Variants in ZNF839 observed in about 807,000 individuals in gnomAD.
ZNF839 encodes the protein renal carcinoma antigen NY-REN-50.
A neutral mutation model predicts 56.4 loss-of-function variants in ZNF839; 38 were observed. The ratio of observed to expected loss-of-function variants is 0.67; its 90% CI spans 0.52 to 0.88. The LOEUF (loss-of-function observed/expected upper bound fraction) is 0.88. Among genes scored for constraint, ZNF839 ranks in the 40% least tolerant of loss-of-function variants. The probability of loss-of-function intolerance (pLI) is 0.00; values close to 1 mark genes in which losing one functional copy is unlikely to be tolerated. For synonymous variants in ZNF839, 486 were observed against 493.5 expected (o/e 0.98, Z 0.20); for missense variants, 1,091 against 1,177.6 (o/e 0.93, Z 1.08).
chr14:102,320,466 A>G (rs898906699), intron 1 of ZNF839, among the ~76,000 whole-genome samples: 5 of 152,232 alleles, frequency 3.3e-5, no homozygotes, highest in Non-Finnish European at 5.9e-5. Flanking sequence ...AAGAACGAAC[A>G]TAAGGCAGGT....
intron 1 of ZNF839, 66 bp from the exon 2 acceptor site, chr14:102,325,919 C>T (rs1219903719): frequency 2.0e-6 from 3 of 1,512,822 alleles, no homozygotes; most frequent in African/African-American, 2.8e-5. Context: ...TATGACGAGA[C>T]TGAAATTGCA....
At chr14:102,319,616 G>A (rs1463865498), upstream of ZNF839, 1 of 1,123,968 alleles carries the variant, frequency 8.9e-7, no homozygotes, top group Non-Finnish European at 1.1e-6. This position sits in a 1 kb window ranked among gnomAD's most constrained non-coding sequence, Gnocchi z 4.5. Context: ...CGGCTGGGGC[G>A]GGGCACTCCA....
At chr14:102,339,294 C>G in intron 7 of ZNF839, 71 bp downstream of exon 7, 1 of 1,534,574 alleles carries the variant, frequency 6.5e-7, no homozygotes, top group East Asian at 2.4e-5. Context: ...CAGATGTACC[C>G]AGGATTGCCA....
chr14:102,320,497 C>G (rs1365890051), intron 1 of ZNF839, among the ~76,000 whole-genome samples: 1 of 152,162 alleles, frequency 6.6e-6, no homozygotes, highest in Non-Finnish European at 1.5e-5. Context: ...ACGGGGGCTG[C>G]TTTAGAGTGG....
At position 102,341,889 on chromosome 14, in the gene ZNF839, T is replaced by C; in HGVS notation, c.2494T>C (p.Leu832=). The change falls in exon 8 of 8, where the codon TTG becomes CTG. Residue 832 remains leucine (L), a synonymous_variant. Coordinates refer to ENST00000442396, the MANE Select transcript of ZNF839 (RefSeq NM_018335.6). The part of the protein sequence containing the change: ...GPQPGPHGSL[L]TEGCLRSLSG... Reference sequence around the variant, plus strand: ...TCAGCCTGGCCCACATGGATCACTATTGACTGAAGGGTGTCTCAGAAGCCT... The same window carrying C: ...TCAGCCTGGCCCACATGGATCACTACTGACTGAAGGGTGTCTCAGAAGCCT... 1.9e-6 allele frequency: 3 copies of C among 1,614,044 alleles called. No individual in the cohort carries two copies. Among genetic ancestry groups the C allele is most frequent in the East Asian group, 4.5e-5 (2 of 44,884 alleles).
rs770446620 is a variant in ZNF839, at chr14:102,341,644, T to G, written c.2249T>G (p.Leu750Trp). The part of the protein sequence containing the change: ...SLRSPGFCSP[L>W]SSGGGAESLP... ...AGGAGCCCGGGTTTCTGCAGCCCTT[T>G]GTCATCTGGTGGTGGAGCAGAGTCC... Residue 750 changes from leucine to tryptophan, a missense_variant, in exon 8 of 8, where the codon TTG becomes TGG. Coordinates refer to ENST00000442396, the MANE Select transcript of ZNF839 (RefSeq NM_018335.6). 1 of 1,613,850 alleles carries G rather than the reference T, an allele frequency of 6.2e-7. No individual in the cohort carries two copies. Among genetic ancestry groups the G allele is most frequent in the Non-Finnish European group, 8.5e-7 (1 of 1,179,890 alleles).
chr14:102,332,426 C>A lies in ZNF839; in HGVS notation c.1416+580C>A, dbSNP rs899338654. 6.6e-6 allele frequency among the ~76,000 whole-genome samples: 1 copy of A among 152,046 alleles called. No individual in the cohort carries two copies. The highest frequency in any genetic ancestry group is 6.6e-5 in the Admixed American group (1 of 15,264). On this transcript the variant is annotated intron_variant, in intron 3 of 7. Coordinates refer to ENST00000442396, the MANE Select transcript of ZNF839 (RefSeq NM_018335.6). The surrounding 1 kb of genome is among the most constrained non-coding windows in gnomAD (Gnocchi z 4.9). ...GGGATTACAGGCATGAGCCACCATGCCCGGCCTTCAGAACCATTCTTGACT... is the reference window on the plus strand; with the variant it reads ...GGGATTACAGGCATGAGCCACCATGACCGGCCTTCAGAACCATTCTTGACT...
At chr14:102,331,203 A>C (rs1017069000) in intron 2 of ZNF839, among the ~76,000 whole-genome samples, 3 of 152,258 alleles carry the variant, frequency 2.0e-5, no homozygotes, top group Non-Finnish European at 2.9e-5. Context: ...AATTAGGAAC[A>C]AAATTCAGGT....
At position 102,320,024 on chromosome 14, in the gene ZNF839, C is replaced by G. The variant is rs963643850; in HGVS notation, c.259C>G (p.Pro87Ala). 2 of 1,180,412 alleles carry G rather than the reference C, an allele frequency of 1.7e-6. No individual in the cohort carries two copies. Among genetic ancestry groups the G allele is most frequent in the Admixed American group, 4.6e-5 (1 of 21,944 alleles). The allele number at this position is 1,180,412 out of a possible 1,614,324, so 73.1% of individuals were successfully genotyped here. A position where few individuals can be genotyped will look rare whatever the true frequency, so the allele number is the denominator to read the frequency against. ...ALQRGRGTEP[P>A]RLPRLLPPQQ... ...GCAGCGGGGCCGGGGCACCGAGCCCCCGCGCCTGCCGCGCCTGCTCCCGCC... is the reference window on the plus strand; with the variant it reads ...GCAGCGGGGCCGGGGCACCGAGCCCGCGCGCCTGCCGCGCCTGCTCCCGCC... Residue 87 changes from proline to alanine, a missense_variant, in exon 1 of 8, where the codon CCG (proline) becomes GCG (alanine). Physicochemically the swap from Pro to Ala is conservative, Grantham distance 27. This residue lies in a region of ZNF839 where 614 missense variants were observed against 629.2 expected (regional missense o/e 0.98). Coordinates refer to ENST00000442396, the MANE Select transcript of ZNF839 (RefSeq NM_018335.6).
At chr14:102,341,093 C>G (rs1020254166) in intron 7 of ZNF839, 8 of 255,314 alleles carry the variant, frequency 3.1e-5, no homozygotes, top group Non-Finnish European at 5.0e-5. Context: ...AAAAAAAGCA[C>G]ACTGTCGATT....
chr14:102,319,806 A>T lies in ZNF839; in HGVS notation c.41A>T (p.Asp14Val). ...AEPEAGGGSE[D>V]GGGGGGPAPP... is the part of the protein sequence containing the mutation. ...CCGGAGGCTGGGGGCGGCAGCGAGG[A>T]TGGCGGCGGCGGCGGCGGCCCGGCT... Residue 14 changes from aspartate (D) to valine (V), a missense_variant, in exon 1 of 8, where the codon GAT (aspartate) becomes GTT (valine). Transcript: ENST00000442396. This position sits in a 1 kb window ranked among gnomAD's most constrained non-coding sequence, Gnocchi z 4.5. 9 of 1,229,616 alleles carry T rather than the reference A, an allele frequency of 7.3e-6. No individual in the cohort carries two copies. The highest frequency in any genetic ancestry group is 9.1e-6 in the Non-Finnish European group (9 of 986,922). The allele number at this position is 1,229,616 out of a possible 1,614,324, so 76.2% of individuals were successfully genotyped here.
intron 1 of ZNF839, among the ~76,000 whole-genome samples, chr14:102,323,899 T>C (rs2073264114): frequency 6.6e-6 from 1 of 152,188 alleles, no homozygotes; most frequent in Non-Finnish European, 1.5e-5. Flanking sequence ...CCCATGTTAA[T>C]GTGGATAAAA....
intron 3 of ZNF839, among the ~76,000 whole-genome samples, chr14:102,333,280 T>TGA (rs2073871299): frequency 7.3e-6 from 1 of 137,358 alleles, no homozygotes; most frequent in African/African-American, 3.0e-5. Flanking sequence ...TTTTTTTTTT[T>TGA]GAGAGAGGGT....
chr14:102,324,499 C>T (rs1454694331), intron 1 of ZNF839, among the ~76,000 whole-genome samples: 4 of 151,784 alleles, frequency 2.6e-5, no homozygotes, highest in East Asian at 3.9e-4. Flanking sequence ...GCTGAGATAG[C>T]GCCACTGCAT....
At position 102,334,572 on chromosome 14, in the gene ZNF839, C is replaced by T. The variant is rs201839345; in HGVS notation, c.1435C>T (p.Arg479Trp). The T allele has an allele frequency of 2.3e-4, 371 of 1,611,370 alleles. No homozygotes were observed. Among genetic ancestry groups the T allele is most frequent in the Non-Finnish European group, 3.0e-4 (348 of 1,178,854 alleles). ...RLKEFLQQCD[R>W]EDLVELALPQ... is the part of the protein sequence containing the mutation. Reference sequence around the variant, plus strand: ...TTGGTAGTTCCTCCAGCAGTGTGACCGGGAGGATCTGGTGGAATTGGCTCT... The same window carrying T: ...TTGGTAGTTCCTCCAGCAGTGTGACTGGGAGGATCTGGTGGAATTGGCTCT... The change falls in exon 4 of 8, where the codon CGG becomes TGG. Residue 479 changes from arginine to tryptophan, a missense_variant. Arg to Trp is a moderately radical substitution (Grantham distance 101). This residue lies in a region of ZNF839 where 614 missense variants were observed against 629.2 expected (regional missense o/e 0.98). Coordinates refer to ENST00000442396, the MANE Select transcript of ZNF839 (RefSeq NM_018335.6).
Position 102,339,097 on chromosome 14 carries a change from G to A in ZNF839, c.1801G>A (p.Ala601Thr), listed in dbSNP as rs1188378682. The A allele has an allele frequency of 6.2e-7, 1 of 1,613,786 alleles. No individual in the cohort carries two copies. Residue 601 changes from alanine to threonine, a missense_variant, in exon 7 of 8, where the codon GCG becomes ACG. By Grantham distance (58) the Ala-to-Thr change is moderately conservative (BLOSUM62 0). Transcript: ENST00000442396. ...TGATTGGGTCTTCTCTTCACAGGCT[G>A]CGGAGGAGGGACTGGCCTCAGTGAA... ...ASSEKREREA[A>T]EEGLASVKRP...
chr14:102,342,256 C>T lies in ZNF839; in HGVS notation c.*77C>T, dbSNP rs1427285069. On this transcript the variant is annotated 3_prime_UTR_variant, in exon 8 of 8. Coordinates refer to ENST00000442396, the MANE Select transcript of ZNF839 (RefSeq NM_018335.6). ...CCTCACAGTGAAGTGGAGTCAGATC[C>T]TAGATTCGTCTGATTTTATCCAGAG... The T allele has an allele frequency of 6.6e-7, 1 of 1,509,026 alleles. No homozygotes were observed. The highest frequency in any genetic ancestry group is 2.3e-5 in the East Asian group (1 of 44,040). 93.5% of individuals were successfully genotyped at this position (1,509,026 alleles called of 1,614,324 possible).
Position 102,332,984 on chromosome 14 carries a change from G to A in ZNF839, c.1416+1138G>A, listed in dbSNP as rs1188446934. Among the ~76,000 whole-genome samples, 1 of 152,178 alleles carries A rather than the reference G, an allele frequency of 6.6e-6. No individual in the cohort carries two copies. Among genetic ancestry groups the A allele is most frequent in the Non-Finnish European group, 1.5e-5 (1 of 68,036 alleles). ...AAGCAGAAAATTGTGGAGTTTCCCT[G>A]TCTGCTGTTATTAAGCTCATACAGA... On this transcript the variant is annotated intron_variant, in intron 3 of 7. Coordinates refer to ENST00000442396, the MANE Select transcript of ZNF839 (RefSeq NM_018335.6). This position sits in a 1 kb window ranked among gnomAD's most constrained non-coding sequence, Gnocchi z 4.9.
chr14:102,328,375 A>AAAAAAAAT (rs1197718891), intron 2 of ZNF839, among the ~76,000 whole-genome samples: 1 of 16,326 alleles, frequency 6.1e-5, no homozygotes, highest in Non-Finnish European at 1.4e-4. Flanking sequence ...AAAAAAAAAA[A>AAAAAAAAT]ATATATATAT....
Sources: gnomAD v4.1 joint callset for allele counts (sites outside exome capture counted in the v4.1 genomes callset) on GRCh38, gnomAD v4.1.1 for gene constraint, gnomAD v4.1.1 regional missense constraint, Gnocchi (gnomAD v3.1) non-coding constraint, MANE v1.5 for transcripts, NCBI Gene and HGNC (gene_info 2026-07-23, HGNC 2026-07-21) for gene names.